XAGE3: variants seen among roughly 807,000 people sequenced by gnomAD.
XAGE3 encodes CT12.3.
XAGE3 carries 6 observed loss-of-function variants against 9.2 expected under a neutral mutation model. The observed-to-expected ratio is 0.65, with a 90% CI of 0.36 to 1.29. The LOEUF is 1.29. Among genes scored for constraint, XAGE3 ranks in the 50% most tolerant of loss-of-function variants. The pLI is 0.03. For missense variants in XAGE3, 70 were observed against 82.8 expected (o/e 0.85, Z 0.60); for synonymous variants, 26 against 28.2 (o/e 0.92, Z 0.25).
chrX:52,866,995 A>T, intron 2 of XAGE3, 58 bp downstream of exon 2: 1 of 1,117,074 alleles, frequency 9.0e-7, no homozygotes, highest in South Asian at 1.8e-5. Context: ...TTGCAACAAC[A>T]ACAAGTTACA....
chrX:52,865,902 C>T (rs1556784359), intron 3 of XAGE3, among the ~76,000 whole-genome samples: 1 of 111,889 alleles, frequency 8.9e-6, no homozygotes, highest in East Asian at 2.8e-4. Flanking sequence ...AGGGAGAACA[C>T]AAACCTTGGA....
chrX:52,864,218 C>G (rs1259600342), intron 4 of XAGE3, among the ~76,000 whole-genome samples: 1 of 112,402 alleles, frequency 8.9e-6, no homozygotes, highest in Non-Finnish European at 1.9e-5. Context: ...AATCTCAACT[C>G]AGATATTATA....
chrX:52,866,674 A>T (rs1351511450), intron 2 of XAGE3, 136 bp from the exon 3 acceptor site: 2 of 558,273 alleles, frequency 3.6e-6, no homozygotes, highest in Non-Finnish European at 5.7e-6. Context: ...CTCCAACACG[A>T]TTCCACATAC....
rs1927766476 is a variant in XAGE3 at position 52,862,620 on chromosome X, A to G, written c.334T>C (p.Ter112GlnextTer5). 1 of 1,211,660 alleles carries G rather than the reference A, an allele frequency of 8.3e-7. No individual in the cohort carries two copies. Among genetic ancestry groups the G allele is most frequent in the Non-Finnish European group, 1.1e-6 (1 of 895,034 alleles). The change falls in exon 5 of 5, where the codon TAA (stop) becomes CAA (glutamine). Residue 112 changes from the stop codon to glutamine, a stop_lost. Coordinates refer to ENST00000346279, the MANE Select transcript of XAGE3 (RefSeq NM_133179.3). The stretch of plus-strand genomic sequence containing the variant: ...GTGTTGTTTCAGCTTGTCTTCATTT[A>G]AACCTGTGGTTGCCTGTCACCTATA... ...PEGGDRQPQV[*>Q]
At chrX:52,867,210 C>T (rs782575980) in intron 1 of XAGE3, 69 bp from the exon 2 acceptor site, 15 of 908,872 alleles carry the variant, frequency 1.7e-5, no homozygotes, top group African/African-American at 1.0e-4. Context: ...ACTTCCATGA[C>T]CAAATATTAA....
chrX:52,866,060 T>C (rs1363018976), intron 3 of XAGE3, among the ~76,000 whole-genome samples: 3 of 111,546 alleles, frequency 2.7e-5, no homozygotes, highest in African/African-American at 9.8e-5. Context: ...CTTGGCATTC[T>C]ACATGCTATT....
At chrX:52,864,206 G>T (rs1487235738) in intron 4 of XAGE3, among the ~76,000 whole-genome samples, 3 of 112,359 alleles carry the variant, frequency 2.7e-5, no homozygotes, top group Non-Finnish European at 5.6e-5. Flanking sequence ...TAGGAACCAT[G>T]AAATCTCAAC....
intron 3 of XAGE3, among the ~76,000 whole-genome samples, chrX:52,865,883 G>C (rs782454727): frequency 1.8e-5 from 2 of 111,941 alleles, no homozygotes; most frequent in African/African-American, 6.5e-5. Flanking sequence ...GTTTTCTAAT[G>C]TGAATGGTAG....
At chrX:52,863,782 A>C (rs1472057414) in intron 4 of XAGE3, among the ~76,000 whole-genome samples, 1 of 111,975 alleles carries the variant, frequency 8.9e-6, no homozygotes, top group Non-Finnish European at 1.9e-5. Flanking sequence ...CAATCTTTTA[A>C]ATGTATTACT....
chrX:52,863,978 G>A (rs782228567), intron 4 of XAGE3, among the ~76,000 whole-genome samples: 29 of 111,571 alleles, frequency 2.6e-4, no homozygotes, highest in African/African-American at 9.4e-4. Flanking sequence ...TACAATTGAG[G>A]ATTGCTCAAT....
chrX:52,866,711 A>G (rs1479891675), intron 2 of XAGE3, among the ~76,000 whole-genome samples, 173 bp from the exon 3 acceptor site: 5 of 112,604 alleles, frequency 4.4e-5, no homozygotes, highest in African/African-American at 1.6e-4. Flanking sequence ...TACTCTTCCC[A>G]CAGAGAGGTT....
intron 1 of XAGE3, among the ~76,000 whole-genome samples, chrX:52,867,649 G>A (rs1283258491): frequency 9.1e-6 from 1 of 110,410 alleles, no homozygotes; most frequent in Non-Finnish European, 1.9e-5. Context: ...AACCCGCAGC[G>A]TTCCCAGTTC....
intron 4 of XAGE3, among the ~76,000 whole-genome samples, chrX:52,862,997 T>G (rs1255089331): frequency 8.9e-6 from 1 of 112,360 alleles, no homozygotes; most frequent in Non-Finnish European, 1.9e-5. Context: ...ACAACAAACC[T>G]AAGAAACAAA....
At chrX:52,867,359 G>A (rs1380871898) in intron 1 of XAGE3, 1 of 370,329 alleles carries the variant, frequency 2.7e-6, no homozygotes, top group African/African-American at 2.6e-5. Context: ...CCTGGCAAAA[G>A]ACAGGATATT....
chrX:52,867,072 T>C lies in XAGE3; in HGVS notation c.62A>G (p.Glu21Gly). 1.7e-6 allele frequency: 2 copies of C among 1,211,899 alleles called. No homozygotes were observed. The highest frequency in any genetic ancestry group is 2.2e-6 in the Non-Finnish European group (2 of 895,329). ...ACTCACCAGCATAGGCCCAATCAGC[T>C]CAGGAGGTGGTACACTTCTCCTCGG... ...PRPRRSVPPP[E>G]LIGPMLEPGD... Residue 21 changes from glutamate to glycine, a missense_variant, in exon 2 of 5, where the codon GAG (glutamate) becomes GGG (glycine). Transcript: ENST00000346279.
In XAGE3 at chrX:52,867,154, T is replaced by C; in HGVS notation, c.-8-13A>G. On this transcript the variant is annotated splice_polypyrimidine_tract_variant and intron_variant, in intron 1 of 4. Transcript: ENST00000346279. ...ATCATATTTCACACTGCAAACAGAA[T>C]ACTGTGAATTGGTAAATGCACTTGA... The C allele has an allele frequency of 8.5e-7, 1 of 1,173,446 alleles. No homozygotes were observed. Among genetic ancestry groups the C allele is most frequent in the Non-Finnish European group, 1.2e-6 (1 of 866,501 alleles).
At chrX:52,866,935 C>A in intron 2 of XAGE3, 118 bp downstream of exon 2, 2 of 680,987 alleles carry the variant, frequency 2.9e-6, no homozygotes, top group Non-Finnish European at 4.7e-6. Context: ...GCATGGGAGA[C>A]CTTTATTGGT....
chrX:52,864,632 C>T, intron 4 of XAGE3, 143 bp downstream of exon 4: 1 of 719,591 alleles, frequency 1.4e-6, no homozygotes, highest in Non-Finnish European at 2.1e-6. Flanking sequence ...TTAAGTCTTA[C>T]AGTCAGGCAA....
At position 52,866,555 on chromosome X, in the gene XAGE3, G is replaced by A. The variant is rs1259045444; in HGVS notation, c.82-17C>T. The A allele has an allele frequency of 1.7e-6, 2 of 1,143,200 alleles. No homozygotes were observed. The highest frequency in any genetic ancestry group is 3.6e-5 in the African/African-American group (2 of 55,214). The allele number at this position is 1,143,200 out of a possible 1,213,427, so 94.2% of individuals were successfully genotyped here. Reference sequence around the variant, plus strand: ...ACCGGGCTCCTGGAACCAGGGGTGTGTGTGTGTGTGTGTGTGTGTGCAGAT... The same window carrying A: ...ACCGGGCTCCTGGAACCAGGGGTGTATGTGTGTGTGTGTGTGTGTGCAGAT... On this transcript the variant is annotated splice_polypyrimidine_tract_variant and intron_variant, in intron 2 of 4. Coordinates refer to ENST00000346279, the MANE Select transcript of XAGE3 (RefSeq NM_133179.3).
Sources: gnomAD v4.1 joint callset for allele counts (sites outside exome capture counted in the v4.1 genomes callset) on GRCh38, gnomAD v4.1.1 for gene constraint, MANE v1.5 for transcripts, NCBI Gene and HGNC (gene_info 2026-07-23, HGNC 2026-07-21) for gene names.